The following BCORL1 variants were observed in gnomAD, a reference collection of about 807,000 sequenced individuals.
BCORL1 encodes the protein BCL6 corepressor like 1, also known as BCL-6 corepressor-like protein 1.
BCORL1 carries 7 observed loss-of-function variants against 87.6 expected under a neutral mutation model. The observed-to-expected ratio is 0.08, with a 90% CI of 0.05 to 0.15. The LOEUF (loss-of-function observed/expected upper bound fraction) is 0.15. BCORL1 is among the 10% of genes least tolerant of loss of function. The pLI is 1.00. For synonymous variants in BCORL1, 591 were observed against 634.4 expected, an observed-to-expected ratio of 0.93 and a Z score of 1.03; for missense variants, 1,215 against 1,499.7, an observed-to-expected ratio of 0.81 and a Z score of 3.13.
At chrX:130,043,784 A>ATATATT (rs1556131020) in intron 11 of BCORL1, among the ~76,000 whole-genome samples, 7 of 15,955 alleles carry the variant, frequency 4.4e-4, no homozygotes, top group Non-Finnish European at 5.2e-4. Flanking sequence ...ATATATATAT[A>ATATATT]TTTTTTTTTT....
intron 10 of BCORL1, among the ~76,000 whole-genome samples, chrX:130,037,938 C>T (rs770123116): frequency 1.2e-4 from 14 of 112,003 alleles, no homozygotes; most frequent in South Asian, 3.7e-4. Context: ...CCTGAACCTT[C>T]GTAGCACACC....
chrX:129,982,306 C>T (rs1322122201), upstream of BCORL1, among the ~76,000 whole-genome samples: 2 of 111,542 alleles, frequency 1.8e-5, no homozygotes, highest in Non-Finnish European at 3.8e-5. Context: ...CTGCCTCCCT[C>T]TCCGGAATCC....
At chrX:130,044,750 C>T (rs1287670209) in intron 11 of BCORL1, among the ~76,000 whole-genome samples, 1 of 111,699 alleles carries the variant, frequency 9.0e-6, no homozygotes, top group Non-Finnish European at 1.9e-5. Context: ...CTCAGGTGAT[C>T]CGCCTGCCTC....
intron 1 of BCORL1, 148 bp from the exon 2 acceptor site, chrX:130,005,040 C>G: frequency 2.8e-6 from 1 of 360,193 alleles, no homozygotes. Context: ...CTCCCTCTTC[C>G]CGGTTTAGAC....
intron 7 of BCORL1, among the ~76,000 whole-genome samples, chrX:130,027,839 A>G (rs1930341264): frequency 8.9e-6 from 1 of 112,210 alleles, no homozygotes; most frequent in Admixed American, 9.5e-5. Flanking sequence ...AAGCAGCACT[A>G]ATCTTGAGAG....
chrX:130,028,087 G>A (rs1458188206), intron 7 of BCORL1, among the ~76,000 whole-genome samples: 2 of 112,146 alleles, frequency 1.8e-5, no homozygotes, highest in East Asian at 5.6e-4. Flanking sequence ...GGCTCATGAT[G>A]CCTTCTAGTT....
At chrX:129,991,197 A>G (rs1209266374) in intron 1 of BCORL1, among the ~76,000 whole-genome samples, 1 of 110,291 alleles carries the variant, frequency 9.1e-6, no homozygotes, top group Non-Finnish European at 1.9e-5. Context: ...GCTCACTGCA[A>G]CCTCCTTCTC....
In BCORL1 at chrX:130,016,062, G is replaced by C; in HGVS notation, c.3290G>C (p.Gly1097Ala). ...GQARVKQESV[G>A]VFACKNKWQP... ...GCTCGAGTGAAACAGGAAAGCGTAG[G>C]GGTCTTTGCTTGCAAGAACAAGTGG... Residue 1097 changes from glycine (G) to alanine (A), a missense_variant, in exon 4 of 14, where the codon GGG (glycine) becomes GCG (alanine). Gly to Ala is a moderately conservative substitution (Grantham distance 60, BLOSUM62 0). Transcript: ENST00000540052. The C allele has an allele frequency of 8.3e-7, 1 of 1,211,702 alleles. No individual in the cohort carries two copies. The highest frequency in any genetic ancestry group is 1.1e-6 in the Non-Finnish European group (1 of 895,577).
In BCORL1 at chrX:130,057,652, GAAAA is replaced by G. The variant is rs1303515255; in HGVS notation, c.*1524_*1527del. 3.0e-5 allele frequency: 3 copies of G among 101,529 alleles called. No individual in the cohort carries two copies. Among genetic ancestry groups the G allele is most frequent in the Admixed American group, 1.1e-4 (1 of 9,359 alleles). The allele number at this position is 101,529 out of a possible 1,213,427, so 8.4% of individuals were successfully genotyped here. ...AAAAAAAAAAGATTAAAAAAAAAAG[GAAAA>G]AAAAAAAGCCAGTTTGAGGATGGGA... On this transcript the variant is annotated 3_prime_UTR_variant, in exon 14 of 14. Coordinates refer to ENST00000540052, the MANE Select transcript of BCORL1 (RefSeq NM_001379451.1).
chrX:130,030,288 C>T (rs1603142487), intron 8 of BCORL1, among the ~76,000 whole-genome samples: 2 of 111,732 alleles, frequency 1.8e-5, no homozygotes, highest in Admixed American at 1.9e-4. Flanking sequence ...TAGCAGCGTT[C>T]GTTCCCTTGA....
At chrX:130,011,805 A>T (rs1378742890) in intron 2 of BCORL1, among the ~76,000 whole-genome samples, 1 of 109,362 alleles carries the variant, frequency 9.1e-6, no homozygotes, top group Admixed American at 9.8e-5. Flanking sequence ...GTGCTGGGAG[A>T]CTGATGGGGG....
In BCORL1 at chrX:130,006,583, T is replaced by A. The variant is rs1263993796; in HGVS notation, c.86+1266T>A. Among the ~76,000 whole-genome samples, 3 of 110,559 alleles carry A rather than the reference T, an allele frequency of 2.7e-5. No homozygotes were observed. The South Asian group carries it at 1.2e-3, about 43-fold the overall frequency. The stretch of plus-strand genomic sequence containing the variant: ...ACCATGTTAGCCAGGATGGTCTCAA[T>A]CTCCTGACCTCGTGATCCGCCCGCC... On this transcript the variant is annotated intron_variant, in intron 2 of 13. Coordinates refer to ENST00000540052, the MANE Select transcript of BCORL1 (RefSeq NM_001379451.1).
At chrX:129,984,489 C>G (rs1926438904) in intron 1 of BCORL1, among the ~76,000 whole-genome samples, 1 of 110,634 alleles carries the variant, frequency 9.0e-6, no homozygotes, top group Non-Finnish European at 1.9e-5. Flanking sequence ...CTTGGCTCCT[C>G]GAGGTTCGGT....
At position 130,015,063 on chromosome X, in the gene BCORL1, C is replaced by A. The variant is rs1324948015; in HGVS notation, c.2291C>A (p.Ala764Asp). 4.1e-6 allele frequency: 5 copies of A among 1,210,571 alleles called. No homozygotes were observed. The African/African-American group carries it at 8.7e-5, about 21-fold the overall frequency. The change falls in exon 4 of 14, where the codon GCC becomes GAC. Residue 764 changes from alanine (A) to aspartate (D), a missense_variant. Physicochemically the swap from Ala to Asp is moderately radical, Grantham distance 126. Around this residue, in one of 5 missense-constraint regions of BCORL1, gnomAD observed 861 missense variants for 1,010.0 expected, o/e 0.85. Transcript: ENST00000540052. ...IDQGEPKGTG[A>D]TCGKKGSQAG... is the part of the protein sequence containing the mutation. ...CAAGGAGAGCCTAAGGGCACTGGTG[C>A]CACGTGTGGCAAAAAGGGCAGCCAG...
chrX:130,008,576 TAA>T (rs749897269), intron 2 of BCORL1, among the ~76,000 whole-genome samples: 2 of 112,231 alleles, frequency 1.8e-5, no homozygotes, highest in East Asian at 5.6e-4. Context: ...GATGACCTTT[TAA>T]GTGTTGTCAC....
intron 8 of BCORL1, among the ~76,000 whole-genome samples, chrX:130,031,666 T>C (rs61042169): frequency 0.11 from 11,847 of 110,900 alleles, 1,584 homozygotes; most frequent in African/African-American, 0.37. Flanking sequence ...TGCCTTTAGT[T>C]CCAGCTACTT....
intron 2 of BCORL1, among the ~76,000 whole-genome samples, chrX:130,008,028 A>G (rs931370316): frequency 2.7e-5 from 3 of 109,763 alleles, no homozygotes; most frequent in Non-Finnish European, 5.7e-5. Context: ...GGTTCAAGTG[A>G]TTCTCGTGCA....
intron 1 of BCORL1, among the ~76,000 whole-genome samples, chrX:129,998,750 A>G (rs1421382869): frequency 2.7e-5 from 3 of 111,376 alleles, no homozygotes; most frequent in Non-Finnish European, 5.7e-5. Flanking sequence ...GGGAAGACCA[A>G]TCTTGCCTTC....
In BCORL1 at chrX:130,021,098, G is replaced by A. The variant is rs61754128; in HGVS notation, c.3555G>A (p.Pro1185=). The A allele has an allele frequency of 3.6e-4, 436 of 1,199,439 alleles. No individual in the cohort carries two copies. The highest frequency in any genetic ancestry group is 6.0e-4 in the South Asian group (33 of 55,085). Residue 1185 remains proline, a synonymous_variant, in exon 5 of 14, where the codon CCG becomes CCA. Coordinates refer to ENST00000540052, the MANE Select transcript of BCORL1 (RefSeq NM_001379451.1). ...GGGGAAAGCACAAGCACCGGAAGCCGACAAAGCCGGAGTCCCAGTCTCCAG... is the reference window on the plus strand; with the variant it reads ...GGGGAAAGCACAAGCACCGGAAGCCAACAAAGCCGGAGTCCCAGTCTCCAG... The part of the protein sequence containing the change: ...GVRGKHKHRK[P]TKPESQSPGK...
Sources: allele counts gnomAD v4.1 joint callset (sites outside exome capture counted in the v4.1 genomes callset), GRCh38; gene constraint gnomAD v4.1.1; regional missense constraint gnomAD v4.1.1; transcripts MANE v1.5; gene names NCBI Gene and HGNC (gene_info 2026-07-23, HGNC 2026-07-21).